Variants in MED13 observed in about 807,000 individuals in gnomAD.
MED13 encodes mediator complex subunit 13, also known as mediator of RNA polymerase II transcription subunit 13.
A neutral mutation model predicts 225.2 loss-of-function variants in MED13; 23 were observed. That is an observed-to-expected ratio of 0.10 (90% CI 0.07 to 0.14). MED13 has a LOEUF of 0.14. Ranked by LOEUF, MED13 falls within the 10% of genes least tolerant of loss-of-function variation. The pLI is 1.00. For synonymous variants in MED13, 942 were observed against 889.2 expected (o/e 1.06, Z -1.06); for missense variants, 2,197 against 2,594.5 (o/e 0.85, Z 3.33).
intron 10 of MED13, among the ~76,000 whole-genome samples, chr17:61,993,799 C>T (rs1315838934): frequency 6.6e-6 from 1 of 151,710 alleles, no homozygotes; most frequent in Non-Finnish European, 1.5e-5. Flanking sequence ...AGCGTAGTGG[C>T]GCATGCCTGT....
intron 3 of MED13, among the ~76,000 whole-genome samples, chr17:62,044,197 G>A (rs2080878832): frequency 6.6e-6 from 1 of 151,784 alleles, no homozygotes; most frequent in Admixed American, 6.6e-5. Context: ...AGCTTTATGG[G>A]TGAAATTTAA....
intron 8 of MED13, among the ~76,000 whole-genome samples, chr17:62,028,712 G>C (rs1278768052): frequency 6.6e-6 from 1 of 151,810 alleles, no homozygotes; most frequent in Non-Finnish European, 1.5e-5. Flanking sequence ...GGGCATGGTG[G>C]CGGGCGCCTG....
chr17:61,986,777 A>C (rs1055107575), intron 12 of MED13, among the ~76,000 whole-genome samples: 1 of 152,202 alleles, frequency 6.6e-6, no homozygotes, highest in Non-Finnish European at 1.5e-5. Flanking sequence ...GTGTCCCCCA[A>C]ATGTAAAAAC....
intron 27 of MED13, among the ~76,000 whole-genome samples, chr17:61,951,605 G>A (rs911066325): frequency 1.3e-5 from 2 of 152,078 alleles, no homozygotes; most frequent in Non-Finnish European, 2.9e-5. Context: ...TTTTGGGAAG[G>A]ACATAAATTA....
intron 23 of MED13, among the ~76,000 whole-genome samples, chr17:61,959,814 G>C (rs1054008406): frequency 6.8e-6 from 1 of 147,020 alleles, no homozygotes; most frequent in South Asian, 2.1e-4. Context: ...CTGCAGCCTC[G>C]ACTTCCTGGG....
At chr17:62,036,104 T>A (rs80023173) in intron 3 of MED13, among the ~76,000 whole-genome samples, 2 of 150,034 alleles carry the variant, frequency 1.3e-5, no homozygotes, top group Non-Finnish European at 3.0e-5. Context: ...TTTTTTTTTT[T>A]AAAGAAAAAA....
intron 16 of MED13, among the ~76,000 whole-genome samples, chr17:61,979,818 T>C (rs2080188105): frequency 6.6e-6 from 1 of 152,194 alleles, no homozygotes; most frequent in African/African-American, 2.4e-5. Context: ...CCAACTTCTA[T>C]TTGGTCACAT....
In MED13 at chr17:61,946,524, G is replaced by A. The variant is rs1567934542; in HGVS notation, c.6469C>T (p.Pro2157Ser). Residue 2157 changes from proline to serine, a missense_variant, in exon 30 of 30, where the codon CCA becomes TCA. Pro to Ser is a moderately conservative substitution (Grantham distance 74). Coordinates refer to ENST00000397786, the MANE Select transcript of MED13 (RefSeq NM_005121.3). ...TGATTCAGCACCACAAAATGAATTG[G>A]GAGACATGAGCGTCTGTCCTGGGTT... The part of the protein sequence containing the change: ...PATQDRRSCL[P>S]IHFVVLNQLY... 23 of 1,613,740 alleles carry A rather than the reference G, an allele frequency of 1.4e-5. No homozygotes were observed. The highest frequency in any genetic ancestry group is 2.2e-5 in the East Asian group (1 of 44,866).
intron 28 of MED13, among the ~76,000 whole-genome samples, chr17:61,948,140 C>T (rs925555524): frequency 1.3e-5 from 2 of 151,812 alleles, no homozygotes; most frequent in African/African-American, 4.8e-5. Flanking sequence ...GCTAACAACC[C>T]ATTATATTTC....
At chr17:61,953,458 G>C (rs1013899368) in intron 26 of MED13, among the ~76,000 whole-genome samples, 3 of 152,176 alleles carry the variant, frequency 2.0e-5, no homozygotes, top group Admixed American at 1.3e-4. Context: ...TGTAATCACA[G>C]GGGTCCTAAT....
rs374266690 is a variant in MED13 at position 62,010,880 on chromosome 17, T to C, written c.1637A>G (p.Glu546Gly). ...LSPHPCDVVDEGVTKTPSTPQ... is the reference protein window; with the variant it reads ...LSPHPCDVVDGGVTKTPSTPQ... ...AGTTGAAGGTGTTTTAGTCACTCCT[T>C]CATCAACCACATCACAAGGGTGAGG... Residue 546 changes from glutamate (E) to glycine (G), a missense_variant, in exon 9 of 30, where the codon GAA (glutamate) becomes GGA (glycine). Physicochemically the swap from Glu to Gly is moderately conservative, Grantham distance 98. Coordinates refer to ENST00000397786, the MANE Select transcript of MED13 (RefSeq NM_005121.3). 6.2e-7 allele frequency: 1 copy of C among 1,614,110 alleles called. No individual in the cohort carries two copies. The highest frequency in any genetic ancestry group is 1.3e-5 in the African/African-American group (1 of 74,956).
intron 16 of MED13, among the ~76,000 whole-genome samples, chr17:61,979,931 G>A (rs931523918): frequency 6.6e-6 from 1 of 152,166 alleles, no homozygotes; most frequent in African/African-American, 2.4e-5. Context: ...GCTCACACCT[G>A]TAATCCCAGC....
At chr17:62,019,879 G>A (rs1368131354) in intron 8 of MED13, among the ~76,000 whole-genome samples, 1 of 151,810 alleles carries the variant, frequency 6.6e-6, no homozygotes, top group Non-Finnish European at 1.5e-5. Flanking sequence ...GAGTAGCTGG[G>A]ACTATAGGCG....
At chr17:62,025,183 G>A (rs1454141155) in intron 8 of MED13, among the ~76,000 whole-genome samples, 1 of 152,016 alleles carries the variant, frequency 6.6e-6, no homozygotes, top group Non-Finnish European at 1.5e-5. Flanking sequence ...ATCCCCTGGG[G>A]GCCAGACTGT....
chr17:62,061,227 G>A lies in MED13; in HGVS notation c.301+1840C>T, dbSNP rs1028048254. 1.3e-4 allele frequency among the ~76,000 whole-genome samples: 19 copies of A among 151,702 alleles called. No individual in the cohort carries two copies. In the East Asian group the frequency reaches 1.4e-3, roughly 11 times the overall value. On this transcript the variant is annotated intron_variant, in intron 2 of 29. Transcript: ENST00000397786. Reference sequence around the variant, plus strand: ...ACTTTCACAATATTTTTTCTATTACGGTAAAACTAGGCCAGGTGCAGGGGC... The same window carrying A: ...ACTTTCACAATATTTTTTCTATTACAGTAAAACTAGGCCAGGTGCAGGGGC...
rs1567957721 is a variant in MED13 at position 61,982,398 on chromosome 17, G to C, written c.3605C>G (p.Pro1202Arg). ...LQDQCTNLFS[P>R]FGAADQDPFP... is the part of the protein sequence containing the mutation. Reference sequence around the variant, plus strand: ...AGGATCTTGGTCTGCTGCTCCAAAGGGTGAAAATAAATTAGTGCACTGATC... The same window carrying C: ...AGGATCTTGGTCTGCTGCTCCAAAGCGTGAAAATAAATTAGTGCACTGATC... The change falls in exon 16 of 30, where the codon CCC becomes CGC. Residue 1202 changes from proline to arginine, a missense_variant. Coordinates refer to ENST00000397786, the MANE Select transcript of MED13 (RefSeq NM_005121.3). 1.2e-6 allele frequency: 2 copies of C among 1,614,064 alleles called. No homozygotes were observed. Among genetic ancestry groups the C allele is most frequent in the Admixed American group, 1.7e-5 (1 of 60,010 alleles).
Position 61,950,881 on chromosome 17 carries a change from C to A in MED13, c.6235G>T (p.Asp2079Tyr). Reference protein sequence around the residue: ...VSTAKAGPLPDWFWSACPQAQ... With the variant: ...VSTAKAGPLPYWFWSACPQAQ... ...TGAGGACATGCTGACCAGAACCAGT[C>A]AGGTAATGGACCTGCTTTGGCAGTT... Residue 2079 changes from aspartate to tyrosine, a missense_variant, in exon 28 of 30, where the codon GAC (aspartate) becomes TAC (tyrosine). Coordinates refer to ENST00000397786, the MANE Select transcript of MED13 (RefSeq NM_005121.3). The A allele has an allele frequency of 6.2e-7, 1 of 1,613,930 alleles. No homozygotes were observed. The highest frequency in any genetic ancestry group is 1.1e-5 in the South Asian group (1 of 91,028).
At chr17:62,047,058 G>A (rs1316609858) in intron 3 of MED13, among the ~76,000 whole-genome samples, 2 of 151,106 alleles carry the variant, frequency 1.3e-5, no homozygotes, top group South Asian at 4.2e-4. Flanking sequence ...AAAGAGACGG[G>A]GGTCTGCAGC....
At chr17:61,954,019 T>C (rs1370587863) in intron 26 of MED13, among the ~76,000 whole-genome samples, 1 of 152,200 alleles carries the variant, frequency 6.6e-6, no homozygotes, top group East Asian at 1.9e-4. Flanking sequence ...TATAGCAAGG[T>C]ACTATAATAA....
Sources: allele counts gnomAD v4.1 joint callset (sites outside exome capture counted in the v4.1 genomes callset), GRCh38; gene constraint gnomAD v4.1.1; transcripts MANE v1.5; gene names NCBI Gene and HGNC (gene_info 2026-07-23, HGNC 2026-07-21).